Variants in DNAH5 observed in about 807,000 individuals in gnomAD.
The protein encoded by DNAH5 is dynein axonemal heavy chain 5, also known as axonemal beta dynein heavy chain 5.
In DNAH5, 372 loss-of-function variants were observed where a neutral mutation model predicts 518.2. The ratio of observed to expected loss-of-function variants is 0.72; its 90% CI spans 0.66 to 0.78. The LOEUF (loss-of-function observed/expected upper bound fraction) is 0.78, where lower values mean the gene tolerates loss of function less well. Ranked by LOEUF, DNAH5 falls within the 30% of genes least tolerant of loss-of-function variation. The pLI, the probability that DNAH5 is intolerant of heterozygous loss-of-function variation, is 0.00. For synonymous variants in DNAH5, 2,039 were observed against 2,025.9 expected (o/e 1.01, Z -0.17); for missense variants, 5,523 against 5,687.0 (o/e 0.97, Z 0.93).
Position 13,752,261 on chromosome 5 carries a change from C to T in DNAH5, c.10901G>A (p.Arg3634Lys). Residue 3634 changes from arginine (R) to lysine (K), a missense_variant, in exon 64 of 79, where the codon AGA (arginine) becomes AAA (lysine). By Grantham distance (26) the Arg-to-Lys change is conservative. This residue lies in a region of DNAH5 where 5,121 missense variants were observed against 5,223.3 expected (regional missense o/e 0.98). Coordinates refer to ENST00000265104, the MANE Select transcript of DNAH5 (RefSeq NM_001369.3). ...AGAAAGGCTGTCTTCCAGGTGGTTT[C>T]TGAAGTACTTGTGATTTAAAGACGT... The part of the protein sequence containing the change: ...QITSLNHKYF[R>K]NHLEDSLSLG... 6.2e-7 allele frequency: 1 copy of T among 1,614,050 alleles called. No homozygotes were observed.
At chr5:13,790,891 A>C (rs951341182) in intron 50 of DNAH5, among the ~76,000 whole-genome samples, 1 of 152,160 alleles carries the variant, frequency 6.6e-6, no homozygotes, top group African/African-American at 2.4e-5. Context: ...ACACAAAGAC[A>C]GAAATGGCAG....
rs750630325 is a variant in DNAH5 at position 13,859,623 on chromosome 5, T to C, written c.4797-18A>G. ...TATTGTACCTAAAATAAGAAATAGG[T>C]TTAGGGTTTGGTTTTGTTTTTGTTG... On this transcript the variant is annotated intron_variant, in intron 29 of 78. Transcript: ENST00000265104. 8.7e-6 allele frequency: 14 copies of C among 1,612,942 alleles called. No homozygotes were observed. Among genetic ancestry groups the C allele is most frequent in the Non-Finnish European group, 1.1e-5 (13 of 1,179,112 alleles).
chr5:13,738,685 C>G (rs540677835), intron 65 of DNAH5, among the ~76,000 whole-genome samples: 1 of 152,162 alleles, frequency 6.6e-6, no homozygotes, highest in East Asian at 1.9e-4. Context: ...AGGAGAAATA[C>G]GTGTGACACC....
chr5:13,694,379 G>A (rs1049825720), intron 78 of DNAH5, among the ~76,000 whole-genome samples: 6 of 152,206 alleles, frequency 3.9e-5, no homozygotes, highest in South Asian at 2.1e-4. Flanking sequence ...TAGTGAAAAC[G>A]TTGATAGATG....
At chr5:13,768,859 A>T (rs1156735897) in intron 58 of DNAH5, 101 bp downstream of exon 58, 1 of 1,329,206 alleles carries the variant, frequency 7.5e-7, no homozygotes, top group Non-Finnish European at 1.1e-6. Flanking sequence ...TAGAGCTTTC[A>T]TCTGAACCAG....
chr5:13,941,869 G>C (rs16902961), intron 1 of DNAH5, among the ~76,000 whole-genome samples: 1 of 152,164 alleles, frequency 6.6e-6, no homozygotes, highest in Non-Finnish European at 1.5e-5. Context: ...TTTGCAATTA[G>C]GTAAATTTGA....
In DNAH5 at chr5:13,839,329, G is replaced by T. The variant is rs369130383; in HGVS notation, c.5882+27C>A. On this transcript the variant is annotated intron_variant, in intron 35 of 78. Transcript: ENST00000265104. The stretch of plus-strand genomic sequence containing the variant: ...AGCAACTCGAGAGAATAAAAATGGT[G>T]GGGGTTGGGGAGAAGGGTTCCATCA... 6.8e-5 allele frequency: 110 copies of T among 1,610,198 alleles called. 1 individual carries two copies. The African/African-American group carries it at 1.4e-3, about 21-fold the overall frequency.
At chr5:13,977,553 C>T (rs1032539037) in intron 1 of DNAH5, among the ~76,000 whole-genome samples, 1 of 152,170 alleles carries the variant, frequency 6.6e-6, no homozygotes, top group African/African-American at 2.4e-5. Flanking sequence ...TTCCTCCCTC[C>T]CCTCAATTTT....
intron 1 of DNAH5, among the ~76,000 whole-genome samples, chr5:13,995,498 G>A (rs893240175): frequency 1.3e-5 from 2 of 151,824 alleles, no homozygotes; most frequent in Non-Finnish European, 2.9e-5. Context: ...CAAACTGAAG[G>A]GTCCATATTA....
intron 30 of DNAH5, among the ~76,000 whole-genome samples, chr5:13,853,034 G>A (rs1215366595): frequency 6.6e-6 from 1 of 152,230 alleles, no homozygotes; most frequent in Admixed American, 6.5e-5. Context: ...GGGACAGACT[G>A]CCTCCTCAAG....
At chr5:13,967,388 T>C (rs1042892038) in intron 1 of DNAH5, among the ~76,000 whole-genome samples, 5 of 152,210 alleles carry the variant, frequency 3.3e-5, no homozygotes, top group African/African-American at 9.6e-5. Context: ...TTCATTCTTA[T>C]ATATGTGGCT....
intron 13 of DNAH5, 36 bp downstream of exon 13, chr5:13,902,017 A>C (rs1357700845): frequency 1.4e-6 from 2 of 1,396,492 alleles, no homozygotes; most frequent in African/African-American, 2.8e-5. Flanking sequence ...AAACTATCCC[A>C]ATTTTAGAAA....
Position 13,753,230 on chromosome 5 carries a change from T to C in DNAH5, c.10872+3A>G, listed in dbSNP as rs775517775. 2 of 1,610,894 alleles carry C rather than the reference T, an allele frequency of 1.2e-6. No individual in the cohort carries two copies. The highest frequency in any genetic ancestry group is 1.7e-6 in the Non-Finnish European group (2 of 1,177,236). On this transcript the variant is annotated splice_donor_region_variant and intron_variant, in intron 63 of 78. Transcript: ENST00000265104. ...AGCATAAACATACTAAAACACAAAT[T>C]ACCTGGAGTTCATTTCGGCTTTCTT...
Position 13,708,309 on chromosome 5 carries a change from C to A in DNAH5, c.13152G>T (p.Gly4384=). Residue 4384 remains glycine (G), a synonymous_variant, in exon 76 of 79, where the codon GGG becomes GGT. Coordinates refer to ENST00000265104, the MANE Select transcript of DNAH5 (RefSeq NM_001369.3). ...FEVKERLQKM[G]PFQPMNIFLR... ...GGAAAATGTTCATAGGCTGGAATGG[C>A]CCCATCTTCTGCAGCCTCTCTTTTA... 6.2e-7 allele frequency: 1 copy of A among 1,614,038 alleles called. No individual in the cohort carries two copies. Among genetic ancestry groups the A allele is most frequent in the Non-Finnish European group, 8.5e-7 (1 of 1,179,976 alleles).
At chr5:13,825,346 A>AAAAT (rs143083505) in intron 38 of DNAH5, among the ~76,000 whole-genome samples, 3,001 of 150,594 alleles carry the variant, frequency 0.02, 67 homozygotes, top group African/African-American at 0.049. Context: ...TGTCTTGCAA[A>AAAAT]AAATAAATAA....
rs776552880 is a variant in DNAH5, at chr5:13,717,375, C to T, written c.12645G>A (p.Ala4215=). The change falls in exon 73 of 79, where the codon GCG becomes GCA. Residue 4215 remains alanine (A), a synonymous_variant. Transcript: ENST00000265104. The part of the protein sequence containing the change: ...GWNIPYEFNQ[A]DFNATVQFIQ... ...TGAACTGCACAGTGGCATTAAAGTC[C>T]GCTTGGTTAAATTCGTAGGGGATAT... 1.6e-5 allele frequency: 26 copies of T among 1,613,840 alleles called. No homozygotes were observed. In the Admixed American group the frequency reaches 1.8e-4, roughly 11 times the overall value.
At chr5:13,955,201 T>A (rs542553882) in intron 1 of DNAH5, among the ~76,000 whole-genome samples, 1 of 152,280 alleles carries the variant, frequency 6.6e-6, no homozygotes, top group African/African-American at 2.4e-5. Flanking sequence ...TGTGTGGCAC[T>A]TCCCCCCTCA....
At chr5:13,911,618 T>G in intron 11 of DNAH5, 125 bp from the exon 12 acceptor site, 2 of 782,096 alleles carry the variant, frequency 2.6e-6, no homozygotes, top group Non-Finnish European at 4.1e-6. Context: ...AAGGAAGCCT[T>G]ATTTTTTTAC....
chr5:13,739,535 C>T (rs1748103022), intron 65 of DNAH5, among the ~76,000 whole-genome samples: 1 of 152,112 alleles, frequency 6.6e-6, no homozygotes, highest in South Asian at 2.1e-4. Context: ...TTTCTTCATA[C>T]CAGTGAGAGA....
Sources: gnomAD v4.1 joint callset for allele counts (sites outside exome capture counted in the v4.1 genomes callset) on GRCh38, gnomAD v4.1.1 for gene constraint, gnomAD v4.1.1 regional missense constraint, MANE v1.5 for transcripts, NCBI Gene and HGNC (gene_info 2026-07-23, HGNC 2026-07-21) for gene names.